Variants in DHCR24 observed in about 807,000 individuals in gnomAD.
DHCR24 encodes 24-dehydrocholesterol reductase, also known as delta(24)-sterol reductase.
Under a neutral mutation model 61.2 loss-of-function variants are expected in DHCR24, and 28 were observed. That is an observed-to-expected ratio of 0.46 (90% CI 0.34 to 0.63). The LOEUF is 0.63. DHCR24 is among the 20% of genes least tolerant of loss of function. DHCR24 has a pLI of 0.01. For missense variants in DHCR24, 538 were observed against 679.1 expected (o/e 0.79, Z 2.31); for synonymous variants, 261 against 275.9 (o/e 0.95, Z 0.54).
At position 54,883,333 on chromosome 1, in the gene DHCR24, G is replaced by A. The variant is rs115833464; in HGVS notation, c.387+285C>T. ...TTTTACCAGCACACTTCCTTATCAG[G>A]AAGGGGTAAGTAGATTCCTTTTTGC... On this transcript the variant is annotated intron_variant, in intron 2 of 8. Coordinates refer to ENST00000371269, the MANE Select transcript of DHCR24 (RefSeq NM_014762.4). The surrounding 1 kb of genome is among the most constrained non-coding windows in gnomAD (Gnocchi z 4.3). Among the ~76,000 whole-genome samples, 64 of 152,296 alleles carry A rather than the reference G, an allele frequency of 4.2e-4. No individual in the cohort carries two copies. The highest frequency in any genetic ancestry group is 1.5e-3 in the African/African-American group (64 of 41,550).
chr1:54,880,977 C>T (rs1016571628), intron 2 of DHCR24, among the ~76,000 whole-genome samples: 13 of 152,018 alleles, frequency 8.6e-5, no homozygotes, highest in African/African-American at 2.9e-4. Flanking sequence ...GGTGAAACCC[C>T]GTCTCTACTA....
At chr1:54,854,298 AAGGGGCC>A in intron 6 of DHCR24, 64 bp from the exon 7 acceptor site, 1 of 1,464,934 alleles carries the variant, frequency 6.8e-7, no homozygotes, top group Non-Finnish European at 9.4e-7. Flanking sequence ...CTCCAAGTGC[AAGGGGCC>A]AGGGGCCAGG....
Position 54,852,035 on chromosome 1 carries a change from T to C in DHCR24, c.*198A>G, listed in dbSNP as rs2101553505. 1.6e-6 allele frequency: 1 copy of C among 640,218 alleles called. No homozygotes were observed. The highest frequency in any genetic ancestry group is 1.9e-5 in the South Asian group (1 of 51,820). The allele number at this position is 640,218 out of a possible 1,614,324, so 39.7% of individuals were successfully genotyped here. On this transcript the variant is annotated 3_prime_UTR_variant, in exon 9 of 9. Transcript: ENST00000371269. ...ACGGGGAACTGGACTCAGGCTTGTCTGACTCCAAATCCCACATTCTTTCCA... is the reference window on the plus strand; with the variant it reads ...ACGGGGAACTGGACTCAGGCTTGTCCGACTCCAAATCCCACATTCTTTCCA...
Position 54,852,078 on chromosome 1 carries a change from C to A in DHCR24, c.*155G>T. On this transcript the variant is annotated 3_prime_UTR_variant, in exon 9 of 9. Transcript: ENST00000371269. Reference sequence around the variant, plus strand: ...TCTTTCCATTCCACTGGGCTGCCCCCTGGAAGCCAGGAGGAAGGTGGTGTT... The same window carrying A: ...TCTTTCCATTCCACTGGGCTGCCCCATGGAAGCCAGGAGGAAGGTGGTGTT... The A allele has an allele frequency of 5.8e-6, 5 of 864,700 alleles. No individual in the cohort carries two copies. The highest frequency in any genetic ancestry group is 8.9e-6 in the Non-Finnish European group (5 of 561,712). 53.6% of individuals were successfully genotyped at this position (864,700 alleles called of 1,614,324 possible). A position where few individuals can be genotyped will look rare whatever the true frequency, so the allele number is the denominator to read the frequency against.
In DHCR24 at chr1:54,883,682, T is replaced by C; in HGVS notation, c.323A>G (p.Lys108Arg). ...GATCATGATGTTTTTGTGTGTCTTC[T>C]TGTACTTCCCGACACGTAGTGAGAC... ...LTVSLRVGKY[K>R]KTHKNIMINL... Residue 108 changes from lysine to arginine, a missense_variant, in exon 2 of 9, where the codon AAG (lysine) becomes AGG (arginine). Physicochemically the swap from Lys to Arg is conservative, Grantham distance 26. Transcript: ENST00000371269. The surrounding 1 kb of genome is among the most constrained non-coding windows in gnomAD (Gnocchi z 4.3). 1 of 1,614,250 alleles carries C rather than the reference T, an allele frequency of 6.2e-7. No individual in the cohort carries two copies. The highest frequency in any genetic ancestry group is 8.5e-7 in the Non-Finnish European group (1 of 1,180,046).
chr1:54,872,277 A>G (rs190981407), intron 4 of DHCR24, among the ~76,000 whole-genome samples: 47 of 152,334 alleles, frequency 3.1e-4, no homozygotes, highest in South Asian at 1.0e-3. Flanking sequence ...ATCTGCTTCC[A>G]TAAATCAATG....
chr1:54,883,508 G>T lies in DHCR24; in HGVS notation c.387+110C>A. 2 of 1,322,656 alleles carry T rather than the reference G, an allele frequency of 1.5e-6. No homozygotes were observed. Among genetic ancestry groups the T allele is most frequent in the Non-Finnish European group, 2.2e-6 (2 of 918,692 alleles). The allele number at this position is 1,322,656 out of a possible 1,614,324, so 81.9% of individuals were successfully genotyped here. A position where few individuals can be genotyped will look rare whatever the true frequency, so the allele number is the denominator to read the frequency against. ...AGTATCTTCTATGACTGTGGGCATT[G>T]GTCCTGTCCACTCTGCAATGCCCTT... On this transcript the variant is annotated intron_variant, in intron 2 of 8. Transcript: ENST00000371269. The surrounding 1 kb of genome is among the most constrained non-coding windows in gnomAD (Gnocchi z 4.3).
intron 6 of DHCR24, among the ~76,000 whole-genome samples, chr1:54,855,889 C>T (rs1441227456): frequency 6.6e-6 from 1 of 152,136 alleles, no homozygotes; most frequent in Non-Finnish European, 1.5e-5. Context: ...CATTCCTGAC[C>T]CTGTTTCCCT....
intron 2 of DHCR24, among the ~76,000 whole-genome samples, chr1:54,877,105 G>C (rs535122089): frequency 6.6e-6 from 1 of 151,954 alleles, no homozygotes; most frequent in Non-Finnish European, 1.5e-5. Flanking sequence ...AGTGAGCAGA[G>C]GGATGACTTT....
chr1:54,852,058 C>A lies in DHCR24; in HGVS notation c.*175G>T. 1 of 690,308 alleles carries A rather than the reference C, an allele frequency of 1.4e-6. No homozygotes were observed. The highest frequency in any genetic ancestry group is 2.7e-5 in the Admixed American group (1 of 36,842). 42.8% of individuals were successfully genotyped at this position (690,308 alleles called of 1,614,324 possible). ...TCTGACTCCAAATCCCACATTCTTT[C>A]CATTCCACTGGGCTGCCCCCTGGAA... On this transcript the variant is annotated 3_prime_UTR_variant, in exon 9 of 9. Coordinates refer to ENST00000371269, the MANE Select transcript of DHCR24 (RefSeq NM_014762.4).
At chr1:54,882,609 G>A (rs1269033618) in intron 2 of DHCR24, among the ~76,000 whole-genome samples, 1 of 152,204 alleles carries the variant, frequency 6.6e-6, no homozygotes, top group Non-Finnish European at 1.5e-5. Context: ...TAGGTGAATG[G>A]ATAAACCAGC....
At chr1:54,860,459 C>T (rs910885547) in intron 6 of DHCR24, among the ~76,000 whole-genome samples, 3 of 152,182 alleles carry the variant, frequency 2.0e-5, no homozygotes, top group Non-Finnish European at 4.4e-5. Flanking sequence ...CCTCCTGCCA[C>T]TGGGATACAC....
Position 54,871,475 on chromosome 1 carries a change from T to C in DHCR24, c.751A>G (p.Ile251Val), listed in dbSNP as rs768999622. The change falls in exon 5 of 9, where the codon ATC becomes GTC. Residue 251 changes from isoleucine (I) to valine (V), a missense_variant. Ile to Val is a conservative substitution (Grantham distance 29). Transcript: ENST00000371269. ...GACTCGTGGGTGAACTTGGCACAGA[T>C]AGCCTCCAGGCCCCGCACTGGCTCG... ...RFEPVRGLEA[I>V]CAKFTHESQR... 10 of 1,614,202 alleles carry C rather than the reference T, an allele frequency of 6.2e-6. No individual in the cohort carries two copies. Among genetic ancestry groups the C allele is most frequent in the Admixed American group, 3.3e-5 (2 of 60,018 alleles).
In DHCR24 at chr1:54,874,709, G is replaced by A. The variant is rs552003475; in HGVS notation, c.612+384C>T. ...AGAGAGGCAGGATGGCATAATGAAC[G>A]GCTAAGGGACCTGGGAGCCTGATTA... On this transcript the variant is annotated intron_variant, in intron 4 of 8. Coordinates refer to ENST00000371269, the MANE Select transcript of DHCR24 (RefSeq NM_014762.4). 2.2e-4 allele frequency among the ~76,000 whole-genome samples: 33 copies of A among 152,256 alleles called. No homozygotes were observed. The East Asian group carries it at 5.6e-3, about 26-fold the overall frequency.
Position 54,854,180 on chromosome 1 carries a change from C to A in DHCR24, c.1075G>T (p.Val359Leu). 5 of 1,614,058 alleles carry A rather than the reference C, an allele frequency of 3.1e-6. No homozygotes were observed. The highest frequency in any genetic ancestry group is 4.2e-6 in the Non-Finnish European group (5 of 1,179,988). The change falls in exon 7 of 9, where the codon GTG becomes TTG. Residue 359 changes from valine to leucine, a missense_variant. Physicochemically the swap from Val to Leu is conservative, Grantham distance 32. Transcript: ENST00000371269. ...PIFRYLFGWM[V>L]PPKISLLKLT... ...TTCAGGAGGGAGATCTTGGGAGGCA[C>A]CATCCAGCCAAAGAGGTAGCGGAAG... is the stretch of plus-strand genomic sequence containing the variant.
intron 4 of DHCR24, among the ~76,000 whole-genome samples, chr1:54,872,668 A>G (rs1457507476): frequency 4.6e-5 from 7 of 152,110 alleles, no homozygotes; most frequent in Admixed American, 3.3e-4. Flanking sequence ...GGAGCTTCCC[A>G]TACAGGACCT....
chr1:54,857,832 C>A (rs556031776), intron 6 of DHCR24, among the ~76,000 whole-genome samples: 2 of 152,298 alleles, frequency 1.3e-5, no homozygotes, highest in African/African-American at 4.8e-5. Flanking sequence ...CCTGACCCCG[C>A]GTGTTGCTGA....
chr1:54,878,533 A>G (rs1034435762), intron 2 of DHCR24, among the ~76,000 whole-genome samples: 2 of 148,964 alleles, frequency 1.3e-5, no homozygotes, highest in African/African-American at 5.1e-5. Context: ...AAAAAAAAAA[A>G]AAAAAAAAAA....
chr1:54,885,428 TA>T (rs1647087702), intron 1 of DHCR24, among the ~76,000 whole-genome samples: 1 of 152,060 alleles, frequency 6.6e-6, no homozygotes, highest in African/African-American at 2.4e-5. Flanking sequence ...ACCAGACCTA[TA>T]GGGGGGAAGG....
Sources: gnomAD v4.1 joint callset for allele counts (sites outside exome capture counted in the v4.1 genomes callset) on GRCh38, gnomAD v4.1.1 for gene constraint, Gnocchi (gnomAD v3.1) non-coding constraint, MANE v1.5 for transcripts, NCBI Gene and HGNC (gene_info 2026-07-23, HGNC 2026-07-21) for gene names.